TCEA1: variants seen among roughly 807,000 people sequenced by gnomAD.
The protein encoded by TCEA1 is transcription elongation factor A protein 1.
Under a neutral mutation model 43.8 loss-of-function variants are expected in TCEA1, and 21 were observed. The ratio of observed to expected loss-of-function variants is 0.48; its 90% CI spans 0.34 to 0.69. The LOEUF (loss-of-function observed/expected upper bound fraction) is 0.69, where lower values mean the gene tolerates loss of function less well. Ranked by LOEUF, TCEA1 falls within the 30% of genes least tolerant of loss-of-function variation. The pLI is 0.01. For synonymous variants in TCEA1, 104 were observed against 117.5 expected, an observed-to-expected ratio of 0.88 and a Z score of 0.75; for missense variants, 250 against 365.1, an observed-to-expected ratio of 0.68 and a Z score of 2.57.
intron 7 of TCEA1, among the ~76,000 whole-genome samples, chr8:53,981,870 AGCC>A (rs1334282697): frequency 9.9e-5 from 15 of 150,906 alleles, no homozygotes; most frequent in Admixed American, 6.0e-4. Flanking sequence ...CTCCCACCTC[AGCC>A]TCCTGAGTAG....
intron 6 of TCEA1, 103 bp downstream of exon 6, chr8:53,986,866 A>G (rs1803704736): frequency 6.1e-6 from 5 of 815,504 alleles, no homozygotes; most frequent in Non-Finnish European, 9.6e-6. Flanking sequence ...CACCTAATTC[A>G]TTGGAAGGAC....
chr8:53,972,273 G>GGTGATGATGACAATGGAA (rs1803180453), intron 8 of TCEA1: 1 of 412,350 alleles, frequency 2.4e-6, no homozygotes, highest in Non-Finnish European at 4.7e-6. Context: ...TAGAGCTTCA[G>GGTGATGATGACAATGGAA]GTGATGATGA....
intron 6 of TCEA1, among the ~76,000 whole-genome samples, chr8:53,984,754 G>T (rs1056827709): frequency 6.6e-6 from 1 of 151,748 alleles, no homozygotes; most frequent in Middle Eastern, 3.2e-3. Flanking sequence ...ATGGTGGCAG[G>T]TGCCTGCAGT....
At chr8:53,981,588 AAAG>A (rs1803502927) in intron 7 of TCEA1, among the ~76,000 whole-genome samples, 1 of 152,240 alleles carries the variant, frequency 6.6e-6, no homozygotes, top group Non-Finnish European at 1.5e-5. Context: ...TGCTCAGAAA[AAAG>A]ATTTCTTTCA....
intron 1 of TCEA1, among the ~76,000 whole-genome samples, chr8:54,014,884 G>C (rs531890323): frequency 1.3e-5 from 2 of 152,254 alleles, no homozygotes; most frequent in South Asian, 4.1e-4. Flanking sequence ...TTTATACGTA[G>C]GTGAGCATAA....
chr8:53,974,216 T>C lies in TCEA1; in HGVS notation c.826-3753A>G, dbSNP rs902697350. The C allele has an allele frequency of 3.9e-5, 6 of 154,662 alleles. No homozygotes were observed. In the Admixed American group the frequency reaches 3.9e-4, roughly 10 times the overall value. The allele number at this position is 154,662 out of a possible 1,614,324, so 9.6% of individuals were successfully genotyped here. On this transcript the variant is annotated intron_variant, in intron 8 of 9. Transcript: ENST00000521604. Reference sequence around the variant, plus strand: ...AGAAAAAAAAAGTCAAATAACTGGATGTTATTTCTTTTTGAATTGAAAACA... The same window carrying C: ...AGAAAAAAAAAGTCAAATAACTGGACGTTATTTCTTTTTGAATTGAAAACA...
At chr8:53,981,824 C>T (rs1336483666) in intron 7 of TCEA1, among the ~76,000 whole-genome samples, 1 of 151,562 alleles carries the variant, frequency 6.6e-6, no homozygotes, top group African/African-American at 2.4e-5. Context: ...GCAATCTCAG[C>T]TTACTGAAAC....
Position 54,000,021 on chromosome 8 carries a change from A to G in TCEA1, c.156T>C (p.Ala52=), listed in dbSNP as rs750277331. The G allele has an allele frequency of 4.4e-6, 7 of 1,598,292 alleles. No individual in the cohort carries two copies. In the South Asian group the frequency reaches 8.0e-5, roughly 18 times the overall value. The stretch of plus-strand genomic sequence containing the variant: ...CCTCATCTGTACTCTGCTTGCGAAT[A>G]GCATTAACTGACATTCCGATTCTTG... The part of the protein sequence containing the change: ...QSTRIGMSVN[A]IRKQSTDEEV... Residue 52 remains alanine (A), a synonymous_variant, in exon 3 of 10, where the codon GCT becomes GCC. Transcript: ENST00000521604.
At chr8:53,969,225 G>A (rs756280929) in intron 9 of TCEA1, among the ~76,000 whole-genome samples, 3 of 152,158 alleles carry the variant, frequency 2.0e-5, no homozygotes, top group Non-Finnish European at 4.4e-5. Context: ...GGGAGGCGAA[G>A]GTTGCAGTGA....
At chr8:54,002,988 T>C in intron 2 of TCEA1, 1 of 456,192 alleles carries the variant, frequency 2.2e-6, no homozygotes, top group Non-Finnish European at 4.4e-6. Context: ...AGAGACACTG[T>C]TAACATCACA....
At chr8:54,016,692 A>T (rs1274290547) in intron 1 of TCEA1, among the ~76,000 whole-genome samples, 1 of 151,150 alleles carries the variant, frequency 6.6e-6, no homozygotes, top group South Asian at 2.1e-4. Context: ...TACAAAAATC[A>T]GGCCAGGCGG....
chr8:53,991,126 C>T (rs1007169983), intron 4 of TCEA1, among the ~76,000 whole-genome samples: 1 of 152,140 alleles, frequency 6.6e-6, no homozygotes, highest in Non-Finnish European at 1.5e-5. Flanking sequence ...GGCGCAGTGG[C>T]TCACGACAGT....
At chr8:54,012,962 CA>C (rs72062714) in intron 1 of TCEA1, among the ~76,000 whole-genome samples, 21,770 of 77,218 alleles carry the variant, frequency 0.28, 2,282 homozygotes, top group East Asian at 0.66. Context: ...ACGACGACGA[CA>C]AAAAAAAAAA....
At chr8:53,969,165 C>G (rs1026378278) in intron 9 of TCEA1, among the ~76,000 whole-genome samples, 3 of 152,150 alleles carry the variant, frequency 2.0e-5, no homozygotes, top group Admixed American at 2.0e-4. Flanking sequence ...TGGCACATTC[C>G]TGTAATCCCA....
intron 1 of TCEA1, among the ~76,000 whole-genome samples, chr8:54,012,865 T>C (rs2129313290): frequency 6.6e-6 from 1 of 151,596 alleles, no homozygotes; most frequent in South Asian, 2.1e-4. Context: ...GCCCAGAAGC[T>C]TGAGATTACA....
At chr8:54,018,275 T>C (rs1223217616) in intron 1 of TCEA1, among the ~76,000 whole-genome samples, 1 of 152,134 alleles carries the variant, frequency 6.6e-6, no homozygotes, top group Admixed American at 6.5e-5. Context: ...ATGAAATAAA[T>C]AAATAAACCT....
At chr8:54,000,146 T>C (rs1480399401) in intron 2 of TCEA1, 96 bp from the exon 3 acceptor site, 1 of 804,518 alleles carries the variant, frequency 1.2e-6, no homozygotes, top group African/African-American at 1.7e-5. Flanking sequence ...TTCCTGTTTC[T>C]ATTTTAGAAT....
chr8:54,006,688 T>A (rs916620746), intron 2 of TCEA1, among the ~76,000 whole-genome samples: 6 of 152,204 alleles, frequency 3.9e-5, no homozygotes, highest in Non-Finnish European at 8.8e-5. Flanking sequence ...TATGCCTTGG[T>A]AAGGAACTAT....
At chr8:53,998,626 A>C (rs1264110336) in intron 3 of TCEA1, among the ~76,000 whole-genome samples, 1 of 152,134 alleles carries the variant, frequency 6.6e-6, no homozygotes, top group Non-Finnish European at 1.5e-5. Flanking sequence ...TCCAAATTTG[A>C]CTTTCAGGAA....
Sources: allele counts gnomAD v4.1 joint callset (sites outside exome capture counted in the v4.1 genomes callset), GRCh38; gene constraint gnomAD v4.1.1; transcripts MANE v1.5; gene names NCBI Gene and HGNC (gene_info 2026-07-23, HGNC 2026-07-21).